MYLK: variants seen among roughly 807,000 people sequenced by gnomAD.
The protein encoded by MYLK is myosin light chain kinase, smooth muscle.
Under a neutral mutation model 203.4 loss-of-function variants are expected in MYLK, and 106 were observed. The ratio of observed to expected loss-of-function variants is 0.52; its 90% CI spans 0.45 to 0.61. MYLK has a LOEUF of 0.61. MYLK is among the 20% of genes least tolerant of loss of function. MYLK has a pLI of 0.00. For missense variants in MYLK, 2,072 were observed against 2,442.3 expected, an observed-to-expected ratio of 0.85 and a Z score of 3.20; for synonymous variants, 867 against 959.5, an observed-to-expected ratio of 0.90 and a Z score of 1.78.
At chr3:123,777,980 T>G (rs969028508) in intron 4 of MYLK, among the ~76,000 whole-genome samples, 1 of 152,178 alleles carries the variant, frequency 6.6e-6, no homozygotes, top group Non-Finnish European at 1.5e-5. Context: ...AATACAAGAC[T>G]GTACAGTGCT....
chr3:123,706,550 C>T (rs1209286525), intron 16 of MYLK, among the ~76,000 whole-genome samples: 1 of 152,116 alleles, frequency 6.6e-6, no homozygotes, highest in Non-Finnish European at 1.5e-5. Context: ...TGCTCTTCTT[C>T]GATGCTTACA....
chr3:123,725,133 G>A (rs2062234843), intron 12 of MYLK, among the ~76,000 whole-genome samples: 1 of 152,150 alleles, frequency 6.6e-6, no homozygotes, highest in Non-Finnish European at 1.5e-5. Flanking sequence ...CATAGATAAA[G>A]AAGCTGGTAC....
Position 123,707,736 on chromosome 3 carries a change from C to G in MYLK, c.2390+18G>C, listed in dbSNP as rs2061516699. On this transcript the variant is annotated intron_variant, in intron 16 of 33. Transcript: ENST00000360304. ...GGAGGGAAGGGTTAAGGGAGGCTGG[C>G]TGGACATGCAGACTCACTTGAGCAG... 6.2e-7 allele frequency: 1 copy of G among 1,613,970 alleles called. No individual in the cohort carries two copies. Among genetic ancestry groups the G allele is most frequent in the South Asian group, 1.1e-5 (1 of 91,084 alleles).
intron 19 of MYLK, chr3:123,691,755 T>A (rs1189381769): frequency 6.6e-6 from 1 of 152,262 alleles, no homozygotes; most frequent in Admixed American, 6.5e-5. Context: ...TAGTTTTTGA[T>A]GTGTCTCTGA....
rs1156883702 is a variant in MYLK, at chr3:123,613,881, C to T, written c.*224G>A. On this transcript the variant is annotated 3_prime_UTR_variant, in exon 34 of 34. Coordinates refer to ENST00000360304, the MANE Select transcript of MYLK (RefSeq NM_053025.4). ...TACTGGTGATTTCCCTAAATGAAAT[C>T]TAGCTGCACTAGTATCTTAAGGTGC... is the stretch of plus-strand genomic sequence containing the variant. 1.8e-6 allele frequency: 1 copy of T among 565,286 alleles called. No homozygotes were observed. The highest frequency in any genetic ancestry group is 3.2e-6 in the Non-Finnish European group (1 of 317,348). The allele number at this position is 565,286 out of a possible 1,614,324, so 35.0% of individuals were successfully genotyped here. A position where few individuals can be genotyped will look rare whatever the true frequency, so the allele number is the denominator to read the frequency against.
intron 31 of MYLK, 194 bp from the exon 32 acceptor site, chr3:123,620,530 G>A (rs2057800394): frequency 2.8e-6 from 4 of 1,436,770 alleles, no homozygotes; most frequent in Non-Finnish European, 3.7e-6. Context: ...TGTGTCAGAA[G>A]ATGTTCAGAG....
At position 123,628,827 on chromosome 3, in the gene MYLK, T is replaced by C. The variant is rs1209888693; in HGVS notation, c.5114+647A>G. 2.6e-5 allele frequency among the ~76,000 whole-genome samples: 4 copies of C among 152,292 alleles called. No homozygotes were observed. The East Asian group carries it at 7.7e-4, about 29-fold the overall frequency. On this transcript the variant is annotated intron_variant, in intron 30 of 33. Transcript: ENST00000360304. ...GCATGCTGACCTCCCACTGTTCACT[T>C]TCCTATGTTCACAGCTGCAGCAGGC...
At chr3:123,619,415 T>C (rs1243117561) in intron 32 of MYLK, among the ~76,000 whole-genome samples, 1 of 152,222 alleles carries the variant, frequency 6.6e-6, no homozygotes, top group Non-Finnish European at 1.5e-5. Context: ...TCTCTATCCC[T>C]GGCTGTGAGG....
intron 2 of MYLK, among the ~76,000 whole-genome samples, chr3:123,844,260 G>A (rs550873449): frequency 6.6e-6 from 1 of 152,274 alleles, no homozygotes; most frequent in East Asian, 1.9e-4. Flanking sequence ...GGTAGGAGGA[G>A]CAGGAAGCCA....
intron 13 of MYLK, chr3:123,716,336 A>G (rs2061893233): frequency 6.6e-6 from 1 of 152,216 alleles, no homozygotes; most frequent in Non-Finnish European, 1.5e-5. Flanking sequence ...TCTCCTAACC[A>G]AACAGAACCT....
intron 4 of MYLK, among the ~76,000 whole-genome samples, chr3:123,759,697 T>G (rs1332238415): frequency 6.6e-6 from 1 of 152,218 alleles, no homozygotes; most frequent in Non-Finnish European, 1.5e-5. Context: ...CCTGCAACTT[T>G]ATCTTTGAAT....
chr3:123,752,614 C>T (rs1050648150), intron 4 of MYLK, 76 bp from the exon 5 acceptor site: 22 of 1,380,844 alleles, frequency 1.6e-5, no homozygotes, highest in Non-Finnish European at 2.0e-5. Flanking sequence ...GTTTGGAGTG[C>T]TTTACATGTG....
intron 20 of MYLK, among the ~76,000 whole-genome samples, chr3:123,678,339 C>T (rs1343352096): frequency 6.6e-6 from 1 of 152,110 alleles, no homozygotes; most frequent in East Asian, 1.9e-4. Flanking sequence ...TCCTCCATAA[C>T]CTGACCCCGT....
chr3:123,842,697 T>C (rs950678402), intron 2 of MYLK, among the ~76,000 whole-genome samples: 1 of 152,256 alleles, frequency 6.6e-6, no homozygotes, highest in African/African-American at 2.4e-5. Flanking sequence ...AACTGCCTTA[T>C]TCATTTGTAC....
chr3:123,704,280 C>T (rs255185), intron 16 of MYLK, among the ~76,000 whole-genome samples: 185 of 152,350 alleles, frequency 1.2e-3, no homozygotes, highest in Non-Finnish European at 1.9e-3. Flanking sequence ...GGTTCATTTG[C>T]AGCCTATAAA....
intron 19 of MYLK, among the ~76,000 whole-genome samples, chr3:123,690,758 T>A (rs1461828536): frequency 6.6e-6 from 1 of 152,168 alleles, no homozygotes; most frequent in African/African-American, 2.4e-5. Context: ...TCAGTCCTGT[T>A]ATCTCAGCTG....
At chr3:123,823,656 T>C (rs1226827692) in intron 3 of MYLK, among the ~76,000 whole-genome samples, 1 of 152,172 alleles carries the variant, frequency 6.6e-6, no homozygotes, top group Non-Finnish European at 1.5e-5. Flanking sequence ...TCCCTACAGT[T>C]AGCTCCCTCA....
At chr3:123,821,471 G>A (rs952087665) in intron 3 of MYLK, among the ~76,000 whole-genome samples, 1 of 152,108 alleles carries the variant, frequency 6.6e-6, no homozygotes, top group African/African-American at 2.4e-5. Context: ...CCATGATCAG[G>A]GATTATCTGG....
At position 123,612,861 on chromosome 3, in the gene MYLK, G is replaced by GTATT. The variant is rs2057283918; in HGVS notation, c.*1240_*1243dup. On this transcript the variant is annotated 3_prime_UTR_variant, in exon 34 of 34. Coordinates refer to ENST00000360304, the MANE Select transcript of MYLK (RefSeq NM_053025.4). ...TGTTACACACACACACAGAGGAAAT[G>GTATT]TATTAGGTCTATCATCAATTATGGT... The GTATT allele has an allele frequency of 1.3e-5, 2 of 152,618 alleles. No individual in the cohort carries two copies. The allele number at this position is 152,618 out of a possible 1,614,324, so 9.5% of individuals were successfully genotyped here.
Sources: gnomAD v4.1 joint callset for allele counts (sites outside exome capture counted in the v4.1 genomes callset) on GRCh38, gnomAD v4.1.1 for gene constraint, MANE v1.5 for transcripts, NCBI Gene and HGNC (gene_info 2026-07-23, HGNC 2026-07-21) for gene names.